ALCAM: variants seen among roughly 807,000 people sequenced by gnomAD.
The protein encoded by ALCAM is CD166 antigen.
A neutral mutation model predicts 70.9 loss-of-function variants in ALCAM; 30 were observed. The ratio of observed to expected loss-of-function variants is 0.42; its 90% CI spans 0.32 to 0.57. The LOEUF (loss-of-function observed/expected upper bound fraction) is 0.57, where lower values mean the gene tolerates loss of function less well. Ranked by LOEUF, ALCAM falls within the 20% of genes least tolerant of loss-of-function variation. The pLI, the probability that ALCAM is intolerant of heterozygous loss-of-function variation, is 0.11. For missense variants in ALCAM, 591 were observed against 695.1 expected (o/e 0.85, Z 1.68); for synonymous variants, 249 against 242.5 (o/e 1.03, Z -0.25).
intron 1 of ALCAM, among the ~76,000 whole-genome samples, chr3:105,371,776 A>C (rs992979966): frequency 6.6e-6 from 1 of 152,160 alleles, no homozygotes; most frequent in African/African-American, 2.4e-5. Flanking sequence ...TCAAGTAGAC[A>C]CATGCAATTT....
chr3:105,517,188 C>T (rs995059090), intron 1 of ALCAM, among the ~76,000 whole-genome samples: 1 of 152,076 alleles, frequency 6.6e-6, no homozygotes, highest in Admixed American at 6.6e-5. Context: ...AGATGCAAGC[C>T]TTCAGTCCTT....
chr3:105,380,005 CT>C (rs1351835598), intron 1 of ALCAM, among the ~76,000 whole-genome samples: 2 of 151,714 alleles, frequency 1.3e-5, no homozygotes, highest in Non-Finnish European at 3.0e-5. Context: ...AAGTTCATTT[CT>C]AGTGATAAAA....
rs536300932 is a variant in ALCAM at position 105,476,710 on chromosome 3, A to G, written c.74-43357A>G. Among the ~76,000 whole-genome samples the G allele has an allele frequency of 2.0e-5, 3 of 152,250 alleles. No homozygotes were observed. The South Asian group carries it at 6.2e-4, about 32-fold the overall frequency. On this transcript the variant is annotated intron_variant, in intron 1 of 15. Transcript: ENST00000306107. ...ATATCCACCTTTGGTTGCTCAAGCC[A>G]GAAACCTAGAAAACATTTGTTCACC...
chr3:105,543,129 G>A (rs1940163747), intron 8 of ALCAM, among the ~76,000 whole-genome samples: 1 of 151,758 alleles, frequency 6.6e-6, no homozygotes, highest in African/African-American at 2.4e-5. Context: ...ATTTTTAAGA[G>A]ATGCAAGGTA....
chr3:105,558,623 A>G (rs1940567219), intron 14 of ALCAM, among the ~76,000 whole-genome samples: 1 of 152,172 alleles, frequency 6.6e-6, no homozygotes, highest in Admixed American at 6.5e-5. Flanking sequence ...ATCTCACCAA[A>G]AAAGGTCTTA....
At chr3:105,376,400 A>G (rs1424679373) in intron 1 of ALCAM, among the ~76,000 whole-genome samples, 1 of 152,230 alleles carries the variant, frequency 6.6e-6, no homozygotes, top group Non-Finnish European at 1.5e-5. Flanking sequence ...AAGAACCTAA[A>G]AATTAATTAA....
intron 1 of ALCAM, among the ~76,000 whole-genome samples, chr3:105,514,547 C>T (rs1366546203): frequency 6.6e-6 from 1 of 151,830 alleles, no homozygotes; most frequent in East Asian, 1.9e-4. Flanking sequence ...TTTTCTATGA[C>T]ATAATATGGA....
intron 1 of ALCAM, among the ~76,000 whole-genome samples, chr3:105,502,268 T>G (rs982471015): frequency 4.6e-5 from 7 of 152,194 alleles, no homozygotes; most frequent in Admixed American, 3.3e-4. Flanking sequence ...TTTTCTCTAG[T>G]CTCTTTACAC....
At chr3:105,511,349 ATTTGT>A (rs1205392476) in intron 1 of ALCAM, among the ~76,000 whole-genome samples, 10 of 152,098 alleles carry the variant, frequency 6.6e-5, no homozygotes, top group African/African-American at 2.2e-4. Flanking sequence ...GTATGTGACT[ATTTGT>A]TTTATTTTTA....
At chr3:105,549,952 C>G (rs1940352302) in intron 11 of ALCAM, among the ~76,000 whole-genome samples, 175 bp from the exon 12 acceptor site, 2 of 151,334 alleles carry the variant, frequency 1.3e-5, no homozygotes, top group Non-Finnish European at 3.0e-5. Flanking sequence ...TATGGATTTA[C>G]TAATCTTTGT....
intron 7 of ALCAM, among the ~76,000 whole-genome samples, chr3:105,540,977 T>C (rs1378310665): frequency 6.6e-6 from 1 of 152,036 alleles, no homozygotes; most frequent in Non-Finnish European, 1.5e-5. Flanking sequence ...CTAATTAGGT[T>C]TCTGCTTTGG....
intron 1 of ALCAM, among the ~76,000 whole-genome samples, chr3:105,401,764 A>G (rs1936095175): frequency 6.6e-6 from 1 of 152,152 alleles, no homozygotes; most frequent in African/African-American, 2.4e-5. Flanking sequence ...AGGAATGTCC[A>G]TGTGACTTAG....
chr3:105,470,166 T>G (rs1240197514), intron 1 of ALCAM, among the ~76,000 whole-genome samples: 1 of 129,242 alleles, frequency 7.7e-6, no homozygotes, highest in Admixed American at 7.4e-5. Context: ...CACACACATA[T>G]TAGCATGGTT....
At chr3:105,528,891 A>G (rs1401156081) in intron 3 of ALCAM, among the ~76,000 whole-genome samples, 1 of 152,188 alleles carries the variant, frequency 6.6e-6, no homozygotes, top group African/African-American at 2.4e-5. Context: ...CAAAAGTATT[A>G]CAAACCGAAA....
chr3:105,537,254 A>G (rs749448973), intron 6 of ALCAM, among the ~76,000 whole-genome samples: 2 of 152,096 alleles, frequency 1.3e-5, no homozygotes, highest in Non-Finnish European at 2.9e-5. Flanking sequence ...TTATGCCACC[A>G]TTCCTCATTG....
At chr3:105,496,396 T>G (rs886523125) in intron 1 of ALCAM, among the ~76,000 whole-genome samples, 3 of 152,196 alleles carry the variant, frequency 2.0e-5, no homozygotes, top group Admixed American at 2.0e-4. Flanking sequence ...AGAGCTTTGC[T>G]TCTTATTTTG....
At chr3:105,488,502 A>G (rs1206584836) in intron 1 of ALCAM, among the ~76,000 whole-genome samples, 1 of 152,152 alleles carries the variant, frequency 6.6e-6, no homozygotes, top group Non-Finnish European at 1.5e-5. Context: ...ACAAATTTGG[A>G]TAAAGACATT....
At chr3:105,425,886 G>T (rs562184756) in intron 1 of ALCAM, among the ~76,000 whole-genome samples, 39 of 151,660 alleles carry the variant, frequency 2.6e-4, no homozygotes, top group Non-Finnish European at 3.8e-4. Flanking sequence ...CTGGCTATGT[G>T]GTTGGTGATT....
chr3:105,538,474 C>G (rs1056869177), intron 6 of ALCAM, among the ~76,000 whole-genome samples: 3 of 152,002 alleles, frequency 2.0e-5, no homozygotes, highest in Admixed American at 6.6e-5. Flanking sequence ...ACTGTCAAAA[C>G]GCAAATGTGT....
Sources: allele counts gnomAD v4.1 joint callset (sites outside exome capture counted in the v4.1 genomes callset), GRCh38; gene constraint gnomAD v4.1.1; transcripts MANE v1.5; gene names NCBI Gene and HGNC (gene_info 2026-07-23, HGNC 2026-07-21).